The following CELSR1 variants were observed in gnomAD, a reference collection of about 807,000 sequenced individuals.
CELSR1 encodes the protein cadherin EGF LAG seven-pass G-type receptor 1.
Under a neutral mutation model 249.1 loss-of-function variants are expected in CELSR1, and 110 were observed. The observed-to-expected ratio is 0.44, with a 90% CI of 0.38 to 0.52. The LOEUF is 0.52. Ranked by LOEUF, CELSR1 falls within the 20% of genes least tolerant of loss-of-function variation. CELSR1 has a pLI of 0.00. For missense variants in CELSR1, 4,109 were observed against 4,296.4 expected (o/e 0.96, Z 1.22); for synonymous variants, 2,113 against 1,900.0 (o/e 1.11, Z -2.92).
At chr22:46,375,127 T>A (rs950693682) in intron 24 of CELSR1, among the ~76,000 whole-genome samples, 3 of 152,160 alleles carry the variant, frequency 2.0e-5, no homozygotes, top group Admixed American at 2.0e-4. Context: ...GAGGAGCAGC[T>A]CAGGTCTGCA....
intron 12 of CELSR1, 92 bp downstream of exon 12, chr22:46,397,582 G>A (rs79015628): frequency 0.057 from 68,850 of 1,197,720 alleles, 2,249 homozygotes; most frequent in Non-Finnish European, 0.067. Context: ...GGAGTTGGCT[G>A]GGGACGCTAA....
chr22:46,477,466 G>A (rs957695133), intron 1 of CELSR1, among the ~76,000 whole-genome samples: 4 of 151,956 alleles, frequency 2.6e-5, no homozygotes, highest in African/African-American at 4.8e-5. Flanking sequence ...GTGGGGAGAC[G>A]CTGAGTGGCC....
chr22:46,384,895 TA>T (rs60832214), intron 19 of CELSR1, among the ~76,000 whole-genome samples: 42,942 of 151,654 alleles, frequency 0.28, 9,751 homozygotes, highest in African/African-American at 0.64. Context: ...ATTCAAGCAA[TA>T]TCTCCTGCCT....
rs1175012812 is a variant in CELSR1 at position 46,389,344 on chromosome 22, C to T, written c.6501G>A (p.Glu2167=). ...CCAGGTCGAAGCCCTGCTGCCAGCT[C>T]TCGTGCTGAAGGACGTGGCCCAGCA... ...YQLLGHVLQH[E]SWQQGFDLAA... Residue 2167 remains glutamate, a synonymous_variant, in exon 18 of 35, where the codon GAG becomes GAA. Transcript: ENST00000674500. 1 of 1,610,728 alleles carries T rather than the reference C, an allele frequency of 6.2e-7. No homozygotes were observed. The highest frequency in any genetic ancestry group is 1.3e-5 in the African/African-American group (1 of 74,926).
In CELSR1 at chr22:46,402,856, A is replaced by C. The variant is rs1160191917; in HGVS notation, c.5227-2954T>G. Among the ~76,000 whole-genome samples the C allele has an allele frequency of 6.6e-6, 1 of 152,244 alleles. No individual in the cohort carries two copies. Among genetic ancestry groups the C allele is most frequent in the Non-Finnish European group, 1.5e-5 (1 of 68,040 alleles). ...TGCTCATATTTAAAGATAACTTCAA[A>C]AAATAGCCTAGATTTTAGAAAAACA... is the stretch of plus-strand genomic sequence containing the variant. On this transcript the variant is annotated intron_variant, in intron 9 of 34. Coordinates refer to ENST00000674500, the MANE Select transcript of CELSR1 (RefSeq NM_001378328.1). The surrounding 1 kb of genome is among the most constrained non-coding windows in gnomAD (Gnocchi z 5.0).
chr22:46,495,533 T>G (rs1427399731), intron 1 of CELSR1, among the ~76,000 whole-genome samples: 4 of 152,154 alleles, frequency 2.6e-5, no homozygotes, highest in Non-Finnish European at 5.9e-5. Flanking sequence ...CTGCACTACA[T>G]TTATACAGAA....
rs202200765 is a variant in CELSR1 at position 46,384,529 on chromosome 22, C to T, written c.6883+14G>A. On this transcript the variant is annotated intron_variant, in intron 20 of 34. Coordinates refer to ENST00000674500, the MANE Select transcript of CELSR1 (RefSeq NM_001378328.1). ...GGACTCCGAGGGCAGCAGCAGGTTT[C>T]TAAGCGGTTTTACCTTTTTCTTCAG... 4 of 1,586,548 alleles carry T rather than the reference C, an allele frequency of 2.5e-6. No homozygotes were observed. In the East Asian group the frequency reaches 9.0e-5, roughly 36 times the overall value.
chr22:46,464,102 G>A lies in CELSR1; in HGVS notation c.3788C>T (p.Ser1263Leu), dbSNP rs748805681. Reference sequence around the variant, plus strand: ...GCGGACGCCGCCAGGCAGCAGCGCCGAGAAGGTCACGTTCAGGATGTTGGA... The same window carrying A: ...GCGGACGCCGCCAGGCAGCAGCGCCAAGAAGGTCACGTTCAGGATGTTGGA... ...VSSNILNVTF[S>L]ALLPGGVRGQ... The change falls in exon 2 of 35, where the codon TCG becomes TTG. Residue 1263 changes from serine (S) to leucine (L), a missense_variant. Physicochemically the swap from Ser to Leu is moderately radical, Grantham distance 145. Coordinates refer to ENST00000674500, the MANE Select transcript of CELSR1 (RefSeq NM_001378328.1). The surrounding 1 kb of genome is among the most constrained non-coding windows in gnomAD (Gnocchi z 8.5). 1.2e-6 allele frequency: 2 copies of A among 1,613,824 alleles called. No homozygotes were observed. The highest frequency in any genetic ancestry group is 1.7e-6 in the Non-Finnish European group (2 of 1,180,040).
rs2080280431 is a variant in CELSR1, at chr22:46,482,921, G to C, written c.3545-18576C>G. On this transcript the variant is annotated intron_variant, in intron 1 of 34. Coordinates refer to ENST00000674500, the MANE Select transcript of CELSR1 (RefSeq NM_001378328.1). ...CAGACCAACAGACTGATGGACAGAA[G>C]ATGGAGCCCAGAAACAGGTCCACAC... Among the ~76,000 whole-genome samples the C allele has an allele frequency of 3.3e-5, 5 of 152,262 alleles. No homozygotes were observed. The South Asian group carries it at 1.0e-3, about 32-fold the overall frequency.
At chr22:46,400,684 G>T (rs769893355) in intron 9 of CELSR1, among the ~76,000 whole-genome samples, 100 of 152,172 alleles carry the variant, frequency 6.6e-4, no homozygotes, top group Non-Finnish European at 4.0e-4. Context: ...GGGCGTGGTG[G>T]CTCACACCTG....
rs1279372820 is a variant in CELSR1 at position 46,417,374 on chromosome 22, A to G, written c.4612-5615T>C. On this transcript the variant is annotated intron_variant, in intron 5 of 34. Transcript: ENST00000674500. This position sits in a 1 kb window ranked among gnomAD's most constrained non-coding sequence, Gnocchi z 4.1. ...GGAGCCTCGGACAGGACTTTGCCAG[A>G]ATGCAAACCTCAGACCGAGCTGCTA... 6.6e-6 allele frequency among the ~76,000 whole-genome samples: 1 copy of G among 152,212 alleles called. No homozygotes were observed. Among genetic ancestry groups the G allele is most frequent in the Non-Finnish European group, 1.5e-5 (1 of 68,036 alleles).
chr22:46,364,841 A>T, intron 32 of CELSR1, 105 bp from the exon 33 acceptor site: 3 of 1,134,216 alleles, frequency 2.6e-6, no homozygotes, highest in Non-Finnish European at 3.7e-6. Flanking sequence ...CCCAACCTGC[A>T]GGCCTGGTAG....
chr22:46,426,512 T>C (rs1350176575), intron 5 of CELSR1, among the ~76,000 whole-genome samples: 1 of 152,056 alleles, frequency 6.6e-6, no homozygotes. Context: ...CTTGGGGCTC[T>C]TTTATAAGGA....
chr22:46,417,164 G>A lies in CELSR1; in HGVS notation c.4612-5405C>T, dbSNP rs2079412615. Among the ~76,000 whole-genome samples, 1 of 152,214 alleles carries A rather than the reference G, an allele frequency of 6.6e-6. No individual in the cohort carries two copies. On this transcript the variant is annotated intron_variant, in intron 5 of 34. Coordinates refer to ENST00000674500, the MANE Select transcript of CELSR1 (RefSeq NM_001378328.1). The surrounding 1 kb of genome is among the most constrained non-coding windows in gnomAD (Gnocchi z 4.1). ...AGATGACAAAGTTCAGGCCTGTCTGGCCGACAAATGCCCCAGGAAATGTGG... is the reference window on the plus strand; with the variant it reads ...AGATGACAAAGTTCAGGCCTGTCTGACCGACAAATGCCCCAGGAAATGTGG...
At chr22:46,466,989 T>C (rs2080103624) in intron 1 of CELSR1, among the ~76,000 whole-genome samples, 1 of 152,192 alleles carries the variant, frequency 6.6e-6, no homozygotes, top group Non-Finnish European at 1.5e-5. Context: ...TCCAGGAACC[T>C]GGCCGTGCTG....
intron 27 of CELSR1, among the ~76,000 whole-genome samples, chr22:46,368,426 G>A (rs2078812229): frequency 1.3e-5 from 2 of 151,684 alleles, no homozygotes; most frequent in Admixed American, 1.3e-4. Context: ...CCCATATCCG[G>A]CCTTCCAGGC....
rs1435552247 is a variant in CELSR1, at chr22:46,535,826, C to G, written c.1345G>C (p.Val449Leu). The change falls in exon 1 of 35, where the codon GTG (valine) becomes CTG (leucine). Residue 449 changes from valine to leucine, a missense_variant. Transcript: ENST00000674500. The stretch of plus-strand genomic sequence containing the variant: ...GGGTAGTTGTCGTTCTCGTCCTCCA[C>G]CTCGATGTACACGGTGGCCGTGGCA... ...LSATATVYIE[V>L]EDENDNYPQF... 1.2e-6 allele frequency: 2 copies of G among 1,612,152 alleles called. No individual in the cohort carries two copies. Among genetic ancestry groups the G allele is most frequent in the Non-Finnish European group, 1.7e-6 (2 of 1,179,994 alleles).
intron 23 of CELSR1, among the ~76,000 whole-genome samples, chr22:46,378,342 C>A (rs917978559): frequency 1.3e-5 from 2 of 152,176 alleles, no homozygotes; most frequent in Non-Finnish European, 2.9e-5. Flanking sequence ...CTCTGAAAAC[C>A]CTTATAATGG....
At chr22:46,505,362 G>A (rs574039486) in intron 1 of CELSR1, among the ~76,000 whole-genome samples, 15 of 151,948 alleles carry the variant, frequency 9.9e-5, no homozygotes, top group Admixed American at 5.9e-4. Flanking sequence ...AACCGGGCGC[G>A]GTGGCTCACA....
Sources: gnomAD v4.1 joint callset for allele counts (sites outside exome capture counted in the v4.1 genomes callset) on GRCh38, gnomAD v4.1.1 for gene constraint, Gnocchi (gnomAD v3.1) non-coding constraint, MANE v1.5 for transcripts, NCBI Gene and HGNC (gene_info 2026-07-23, HGNC 2026-07-21) for gene names.